The following UGT1A8 variants were observed in gnomAD, a reference collection of about 807,000 sequenced individuals.
UGT1A8 encodes the protein UDP-glucuronosyltransferase 1A8.
A neutral mutation model predicts 45.3 loss-of-function variants in UGT1A8; 39 were observed. That is an observed-to-expected ratio of 0.86 (90% CI 0.67 to 1.12). The LOEUF is 1.12. Among genes scored for constraint, UGT1A8 ranks in the 50% most tolerant of loss-of-function variants. The probability of loss-of-function intolerance (pLI) is 0.00; values close to 1 mark genes in which losing one functional copy is unlikely to be tolerated. For missense variants in UGT1A8, 719 were observed against 664.9 expected (o/e 1.08, Z -0.90); for synonymous variants, 275 against 249.2 (o/e 1.10, Z -0.97).
chr2:233,634,618 A>G (rs577401806), intron 1 of UGT1A8, among the ~76,000 whole-genome samples: 1 of 152,226 alleles, frequency 6.6e-6, no homozygotes, highest in East Asian at 1.9e-4. Flanking sequence ...CAGAGACTAG[A>G]TTGCAACCCC....
chr2:233,717,924 T>C (rs776585493), intron 1 of UGT1A8: 6 of 454,714 alleles, frequency 1.3e-5, no homozygotes, highest in South Asian at 3.1e-5. Context: ...GATGAATGGA[T>C]ACTTCAGTCT....
At chr2:233,740,928 T>C (rs1315246376) in intron 1 of UGT1A8, 1 of 34,774 alleles carries the variant, frequency 2.9e-5, no homozygotes, top group Non-Finnish European at 4.7e-5. Flanking sequence ...CCACAAAAAG[T>C]TTTTTTTTTA....
intron 1 of UGT1A8, among the ~76,000 whole-genome samples, chr2:233,669,010 C>T (rs1252903993): frequency 6.6e-6 from 1 of 152,168 alleles, no homozygotes; most frequent in Non-Finnish European, 1.5e-5. Flanking sequence ...TATGGTAACA[C>T]AGGGGTTATA....
chr2:233,693,120 G>A, intron 1 of UGT1A8: 1 of 1,614,180 alleles, frequency 6.2e-7, no homozygotes, highest in Non-Finnish European at 8.5e-7. Flanking sequence ...GGAAGCCACT[G>A]GCTTAGTATG....
chr2:233,748,538 A>C (rs879259422), intron 1 of UGT1A8, among the ~76,000 whole-genome samples: 4 of 151,868 alleles, frequency 2.6e-5, no homozygotes, highest in Admixed American at 2.6e-4. Context: ...AGGTGACCAC[A>C]GGAGACCTAA....
chr2:233,734,198 C>T (rs930421172), intron 1 of UGT1A8, among the ~76,000 whole-genome samples: 6 of 152,124 alleles, frequency 3.9e-5, no homozygotes, highest in African/African-American at 1.2e-4. Context: ...GCCTCAATTT[C>T]AGAGCCTGTT....
At chr2:233,765,397 A>G (rs1698823781) in intron 1 of UGT1A8, among the ~76,000 whole-genome samples, 1 of 152,238 alleles carries the variant, frequency 6.6e-6, no homozygotes, top group South Asian at 2.1e-4. Context: ...AAAATGTGGT[A>G]CATATACACC....
chr2:233,672,981 T>A (rs1290913607), intron 1 of UGT1A8, among the ~76,000 whole-genome samples: 2 of 152,214 alleles, frequency 1.3e-5, no homozygotes, highest in Non-Finnish European at 2.9e-5. Context: ...CTTGAAGATA[T>A]GTATTTATAA....
intron 1 of UGT1A8, among the ~76,000 whole-genome samples, chr2:233,677,697 T>C (rs906644771): frequency 2.6e-5 from 4 of 151,748 alleles, no homozygotes; most frequent in Non-Finnish European, 4.4e-5. Context: ...GTGAGGCTGC[T>C]GAGAAAAGGG....
chr2:233,676,038 T>G (rs1166696549), intron 1 of UGT1A8, among the ~76,000 whole-genome samples: 1 of 152,202 alleles, frequency 6.6e-6, no homozygotes, highest in African/African-American at 2.4e-5. Flanking sequence ...TATACATCCT[T>G]GGCCAATTGA....
chr2:233,648,796 A>AACC (rs929841878), intron 1 of UGT1A8: 1 of 916,456 alleles, frequency 1.1e-6, no homozygotes, highest in African/African-American at 1.7e-5. Flanking sequence ...GAGAGTAAGG[A>AACC]ACCACATCTT....
At chr2:233,760,673 A>T (rs1191873899) in intron 1 of UGT1A8, 3 of 1,614,096 alleles carry the variant, frequency 1.9e-6, no homozygotes, top group East Asian at 2.2e-5. Flanking sequence ...GGCTGTTCCC[A>T]CTTACTGCAC....
At chr2:233,634,501 T>C (rs1034422152) in intron 1 of UGT1A8, among the ~76,000 whole-genome samples, 1 of 152,206 alleles carries the variant, frequency 6.6e-6, no homozygotes, top group Non-Finnish European at 1.5e-5. Flanking sequence ...ATTGGGCGCA[T>C]ATATATTTAG....
At chr2:233,743,695 C>T (rs751572797) in intron 1 of UGT1A8, 1 of 1,367,334 alleles carries the variant, frequency 7.3e-7, no homozygotes, top group East Asian at 4.5e-5. Flanking sequence ...TGCAGCCGCC[C>T]TCCGCCCCCG....
chr2:233,645,359 C>G (rs540432709), intron 1 of UGT1A8, among the ~76,000 whole-genome samples: 1 of 152,240 alleles, frequency 6.6e-6, no homozygotes, highest in South Asian at 2.1e-4. Flanking sequence ...TGGTCCCTCC[C>G]AAATCTCATG....
intron 1 of UGT1A8, among the ~76,000 whole-genome samples, chr2:233,653,761 A>G (rs1363344770): frequency 6.6e-6 from 1 of 152,150 alleles, no homozygotes; most frequent in African/African-American, 2.4e-5. Context: ...CACAGTCAGC[A>G]AATTTTTGTA....
chr2:233,743,180 G>A, intron 1 of UGT1A8: 1 of 369,298 alleles, frequency 2.7e-6, no homozygotes, highest in East Asian at 7.3e-5. Context: ...GTCAAATGTG[G>A]ACTGGAATTA....
chr2:233,703,685 T>C (rs1041674498), intron 1 of UGT1A8, among the ~76,000 whole-genome samples: 7 of 152,282 alleles, frequency 4.6e-5, no homozygotes, highest in Admixed American at 2.0e-4. Flanking sequence ...ATATTTTTTT[T>C]CCACCATTTA....
chr2:233,697,860 A>G (rs1477304653), intron 1 of UGT1A8, among the ~76,000 whole-genome samples: 1 of 152,154 alleles, frequency 6.6e-6, no homozygotes, highest in Non-Finnish European at 1.5e-5. Context: ...AAAGTTATGC[A>G]TTTATTTAAT....
Sources: gnomAD v4.1 joint callset for allele counts (sites outside exome capture counted in the v4.1 genomes callset) on GRCh38, gnomAD v4.1.1 for gene constraint, MANE v1.5 for transcripts, NCBI Gene and HGNC (gene_info 2026-07-23, HGNC 2026-07-21) for gene names.